ATG10: variants seen among roughly 807,000 people sequenced by gnomAD.
ATG10 encodes the protein autophagy related 10, also known as ubiquitin-like-conjugating enzyme ATG10.
Under a neutral mutation model 32.1 loss-of-function variants are expected in ATG10, and 30 were observed. The observed-to-expected ratio is 0.94, with a 90% confidence interval of 0.70 to 1.27. The LOEUF is 1.27. Ranked by LOEUF, ATG10 falls within the 50% of genes most tolerant of loss-of-function variation. ATG10 has a pLI of 0.00. For synonymous variants in ATG10, 87 were observed against 91.5 expected, an observed-to-expected ratio of 0.95 and a Z score of 0.28; for missense variants, 233 against 262.3, an observed-to-expected ratio of 0.89 and a Z score of 0.77.
intron 2 of ATG10, among the ~76,000 whole-genome samples, chr5:81,988,965 G>T (rs534784922): frequency 5.3e-4 from 81 of 152,168 alleles, no homozygotes; most frequent in Middle Eastern, 3.4e-3. Flanking sequence ...AGTAGTAGCT[G>T]GGATTTTAGG....
At chr5:82,046,274 T>C (rs538352736) in intron 2 of ATG10, among the ~76,000 whole-genome samples, 1 of 152,304 alleles carries the variant, frequency 6.6e-6, no homozygotes, top group East Asian at 1.9e-4. Context: ...ATGGGATCTT[T>C]GCAGATGTAG....
intron 3 of ATG10, among the ~76,000 whole-genome samples, chr5:82,098,368 G>A (rs1765142380): frequency 7.2e-6 from 1 of 138,380 alleles, no homozygotes; most frequent in Non-Finnish European, 1.5e-5. Context: ...CTGGGGTACA[G>A]TGGTGCTATC....
intron 3 of ATG10, among the ~76,000 whole-genome samples, chr5:82,153,834 A>G (rs1479121218): frequency 1.3e-5 from 2 of 151,284 alleles, no homozygotes; most frequent in Non-Finnish European, 2.9e-5. Context: ...CATAATATCT[A>G]TTATTGTTAT....
At chr5:82,233,894 C>T (rs1051175667) in intron 5 of ATG10, among the ~76,000 whole-genome samples, 6 of 152,130 alleles carry the variant, frequency 3.9e-5, no homozygotes, top group African/African-American at 7.2e-5. Flanking sequence ...TTAGTTTTTA[C>T]GTGCCCTTAC....
intron 2 of ATG10, among the ~76,000 whole-genome samples, chr5:82,051,935 C>A (rs1018995281): frequency 2.6e-5 from 4 of 152,122 alleles, no homozygotes; most frequent in African/African-American, 9.7e-5. Flanking sequence ...TGAACAGCTA[C>A]TGATAGTATT....
At chr5:82,001,778 A>T (rs2149684324) in intron 2 of ATG10, among the ~76,000 whole-genome samples, 1 of 152,348 alleles carries the variant, frequency 6.6e-6, no homozygotes, top group Admixed American at 6.5e-5. Context: ...AAAAACAAAA[A>T]TTGACAAATG....
chr5:82,099,376 G>A, intron 3 of ATG10, among the ~76,000 whole-genome samples: 1 of 151,992 alleles, frequency 6.6e-6, no homozygotes, highest in South Asian at 2.1e-4. Flanking sequence ...TAATTATTGA[G>A]AAAATATTTA....
intron 3 of ATG10, among the ~76,000 whole-genome samples, chr5:82,124,865 C>T (rs1766195705): frequency 6.6e-6 from 1 of 152,188 alleles, no homozygotes; most frequent in Non-Finnish European, 1.5e-5. Context: ...GGAATTGCCA[C>T]ACTGTCTTCC....
At chr5:82,085,653 A>AT (rs1764657453) in intron 3 of ATG10, among the ~76,000 whole-genome samples, 1 of 152,078 alleles carries the variant, frequency 6.6e-6, no homozygotes, top group South Asian at 2.1e-4. Flanking sequence ...AAAAAAGAAA[A>AT]TTAAAAAATA....
rs544789807 is a variant in ATG10, at chr5:82,130,728, T to C, written c.217-33671T>C. 3.3e-5 allele frequency among the ~76,000 whole-genome samples: 5 copies of C among 152,258 alleles called. No homozygotes were observed. In the South Asian group the frequency reaches 1.0e-3, roughly 32 times the overall value. On this transcript the variant is annotated intron_variant, in intron 3 of 7. Coordinates refer to ENST00000282185, the MANE Select transcript of ATG10 (RefSeq NM_031482.5). ...AGCCGGGCACGTCAGTTGGAAATGCTGAAATCACCTACTTTCTGCATTGAT... is the reference window on the plus strand; with the variant it reads ...AGCCGGGCACGTCAGTTGGAAATGCCGAAATCACCTACTTTCTGCATTGAT...
chr5:82,033,001 T>A (rs966719497), intron 2 of ATG10, among the ~76,000 whole-genome samples: 1 of 152,058 alleles, frequency 6.6e-6, no homozygotes. Context: ...GCTTTAGTGG[T>A]AACATATACA....
chr5:82,050,865 AAAAAT>A, intron 2 of ATG10, among the ~76,000 whole-genome samples: 1 of 150,864 alleles, frequency 6.6e-6, no homozygotes, highest in South Asian at 2.1e-4. Context: ...AAAAAAAAAA[AAAAAT>A]CAGCCAGATG....
chr5:82,214,285 T>G (rs1190364975), intron 5 of ATG10, among the ~76,000 whole-genome samples: 1 of 152,206 alleles, frequency 6.6e-6, no homozygotes, highest in Non-Finnish European at 1.5e-5. Flanking sequence ...AATTTGCCAC[T>G]AAAGAATGTG....
chr5:82,211,801 A>G (rs1745504047), intron 5 of ATG10, among the ~76,000 whole-genome samples: 1 of 152,132 alleles, frequency 6.6e-6, no homozygotes. Flanking sequence ...TTCATCCATT[A>G]ATGCCTCTGC....
rs77649745 is a variant in ATG10 at position 82,159,157 on chromosome 5, C to T, written c.217-5242C>T. Among the ~76,000 whole-genome samples the T allele has an allele frequency of 3.0e-3, 459 of 152,102 alleles. 1 individual carries two copies. The highest frequency in any genetic ancestry group is 0.011 in the African/African-American group (437 of 41,478). On this transcript the variant is annotated intron_variant, in intron 3 of 7. Coordinates refer to ENST00000282185, the MANE Select transcript of ATG10 (RefSeq NM_031482.5). ...ATACCACAACAGTAGATCTGAAGAC[C>T]CAGATTGCTACTAAGTGACTAATGA...
chr5:82,138,844 TCCCCC>T (rs1766891074), intron 3 of ATG10, among the ~76,000 whole-genome samples: 1 of 3,078 alleles, frequency 3.2e-4, no homozygotes, highest in Non-Finnish European at 1.3e-3. Context: ...GAGCTCTCCC[TCCCCC>T]TCCCCCTCCC....
rs1484800541 is a variant in ATG10, at chr5:82,141,754, TCTTA to T, written c.217-22640_217-22637del. ...GTCTCCTTTTTGTCTTAAGGCTCAT[TCTTA>T]CTTATTTTTATAATCCAAAATTCTA... On this transcript the variant is annotated intron_variant, in intron 3 of 7. Transcript: ENST00000282185. 3.9e-5 allele frequency among the ~76,000 whole-genome samples: 6 copies of T among 151,996 alleles called. No individual in the cohort carries two copies. In the East Asian group the frequency reaches 7.7e-4, roughly 20 times the overall value.
At chr5:82,094,111 G>A (rs531161355) in intron 3 of ATG10, among the ~76,000 whole-genome samples, 4 of 152,206 alleles carry the variant, frequency 2.6e-5, no homozygotes, top group African/African-American at 9.6e-5. Context: ...CTCATCGCGG[G>A]AAGCCTTATG....
intron 2 of ATG10, among the ~76,000 whole-genome samples, chr5:82,010,973 T>C (rs1762111555): frequency 6.6e-6 from 1 of 152,198 alleles, no homozygotes; most frequent in Non-Finnish European, 1.5e-5. Flanking sequence ...AAGGTAACAA[T>C]TGACTTGTCC....
Sources: gnomAD v4.1 joint callset for allele counts (sites outside exome capture counted in the v4.1 genomes callset) on GRCh38, gnomAD v4.1.1 for gene constraint, MANE v1.5 for transcripts, NCBI Gene and HGNC (gene_info 2026-07-23, HGNC 2026-07-21) for gene names.